Variants in PHTF2 observed in about 807,000 individuals in gnomAD.
The protein encoded by PHTF2 is protein PHTF2.
In PHTF2, 60 loss-of-function variants were observed where a neutral mutation model predicts 101.2. The observed-to-expected ratio is 0.59, with a 90% CI of 0.48 to 0.73. The LOEUF (loss-of-function observed/expected upper bound fraction) is 0.73. Ranked by LOEUF, PHTF2 falls within the 30% of genes least tolerant of loss-of-function variation. The probability of loss-of-function intolerance (pLI) is 0.00; values close to 1 mark genes in which losing one functional copy is unlikely to be tolerated. For synonymous variants in PHTF2, 311 were observed against 307.3 expected (o/e 1.01, Z -0.13); for missense variants, 747 against 908.7 (o/e 0.82, Z 2.29).
chr7:77,889,220 A>G lies in PHTF2; in HGVS notation c.148-4388A>G, dbSNP rs1800142386. 2.0e-5 allele frequency among the ~76,000 whole-genome samples: 3 copies of G among 152,310 alleles called. No individual in the cohort carries two copies. The South Asian group carries it at 6.2e-4, about 32-fold the overall frequency. ...TTCAGGGAAGAGCTTGACTCCAGCC[A>G]CAGGGGGTCTGATCTACTATCCTGC... On this transcript the variant is annotated intron_variant, in intron 3 of 19. Coordinates refer to ENST00000416283, the Ensembl canonical transcript of PHTF2.
intron 11 of PHTF2, chr7:77,924,132 C>T (rs987583897): frequency 3.9e-5 from 37 of 960,022 alleles, no homozygotes; most frequent in Non-Finnish European, 4.6e-5. Context: ...AAGGGCGTTT[C>T]TAAAAAAAAG....
intron 13 of PHTF2, chr7:77,938,064 C>T (rs1302389723): frequency 9.8e-6 from 2 of 204,210 alleles, no homozygotes; most frequent in East Asian, 1.1e-4. Context: ...ATAGATGATA[C>T]GGTCTATAAT....
rs1015359710 is a variant in PHTF2, at chr7:77,863,572, A to ATT, written c.147+8747_147+8748dup. 2.7e-5 allele frequency among the ~76,000 whole-genome samples: 4 copies of ATT among 150,064 alleles called. No individual in the cohort carries two copies. The East Asian group carries it at 5.8e-4, about 22-fold the overall frequency. On this transcript the variant is annotated intron_variant, in intron 3 of 19. Coordinates refer to ENST00000416283, the Ensembl canonical transcript of PHTF2. ...TAGAGATTGATTTTTAGGATTAAAG[A>ATT]TTTTTTTTTTCTTCCCTGTCCACCT... is the stretch of plus-strand genomic sequence containing the variant.
intron 11 of PHTF2, chr7:77,923,403 T>A: frequency 2.0e-6 from 2 of 981,726 alleles, no homozygotes; most frequent in Non-Finnish European, 1.2e-6. Flanking sequence ...CCTTCTACTC[T>A]TTTTGAGCTA....
chr7:77,892,731 G>T (rs1230255612), intron 3 of PHTF2, among the ~76,000 whole-genome samples: 1 of 152,162 alleles, frequency 6.6e-6, no homozygotes, highest in Non-Finnish European at 1.5e-5. Flanking sequence ...GAACAATAAA[G>T]AATGATTTGT....
intron 10 of PHTF2, among the ~76,000 whole-genome samples, chr7:77,921,445 C>T (rs149954766): frequency 5.9e-5 from 9 of 152,244 alleles, no homozygotes; most frequent in African/African-American, 1.9e-4. Context: ...ACCTCTCTTA[C>T]ATTTGGGAAT....
rs1795757561 is a variant in PHTF2, at chr7:77,840,153, C to T, written c.-35-68C>T. On this transcript the variant is annotated intron_variant, in intron 1 of 19. Transcript: ENST00000416283. ...GCAAGTAACCAGAGTGCTATGTCTGCATGCTGTTCAGTCTCCTTTTGGAAG... is the reference window on the plus strand; with the variant it reads ...GCAAGTAACCAGAGTGCTATGTCTGTATGCTGTTCAGTCTCCTTTTGGAAG... 10 of 804,390 alleles carry T rather than the reference C, an allele frequency of 1.2e-5. No individual in the cohort carries two copies. The Admixed American group carries it at 1.8e-4, about 15-fold the overall frequency. The allele number at this position is 804,390 out of a possible 1,614,324, so 49.8% of individuals were successfully genotyped here.
intron 7 of PHTF2, chr7:77,906,461 C>G (rs768678070): frequency 1.3e-5 from 2 of 152,108 alleles, no homozygotes; most frequent in Non-Finnish European, 2.9e-5. Context: ...GTGGCTCCTC[C>G]TCCTTTTTCT....
At position 77,924,296 on chromosome 7, in the gene PHTF2, A is replaced by G. The variant is rs566773674; in HGVS notation, c.1119+1518A>G. On this transcript the variant is annotated intron_variant, in intron 11 of 19. Coordinates refer to ENST00000416283, the Ensembl canonical transcript of PHTF2. Reference sequence around the variant, plus strand: ...TTTCTTTAAGAGTGAGGCATGAAAAAATCATTTGGACCCACTCAAACACAA... The same window carrying G: ...TTTCTTTAAGAGTGAGGCATGAAAAGATCATTTGGACCCACTCAAACACAA... The G allele has an allele frequency of 4.4e-4, 106 of 241,558 alleles. 1 individual carries two copies. Among genetic ancestry groups the G allele is most frequent in the Middle Eastern group, 2.1e-3 (1 of 468 alleles). 15.0% of individuals were successfully genotyped at this position (241,558 alleles called of 1,614,324 possible).
intron 1 of PHTF2, among the ~76,000 whole-genome samples, chr7:77,831,406 A>T (rs1795067961): frequency 6.6e-6 from 1 of 152,208 alleles, no homozygotes. Flanking sequence ...TTTGTTACGA[A>T]CTTTTAGGAG....
At position 77,940,471 on chromosome 7, in the gene PHTF2, TTTTG is replaced by T; in HGVS notation, c.1741-53_1741-50del. On this transcript the variant is annotated intron_variant, in intron 14 of 19. Coordinates refer to ENST00000416283, the Ensembl canonical transcript of PHTF2. ...ATCTTAACAATTCATATTTTGTTAATTTTGTTTTTCTGTGGTAATCTACTTGAAA... is the reference window on the plus strand; with the variant it reads ...ATCTTAACAATTCATATTTTGTTAATTTTTTCTGTGGTAATCTACTTGAAA... The T allele has an allele frequency of 1.7e-5, 24 of 1,445,034 alleles. 1 individual carries two copies. The highest frequency in any genetic ancestry group is 6.9e-5 in the South Asian group (5 of 72,720). The allele number at this position is 1,445,034 out of a possible 1,614,324, so 89.5% of individuals were successfully genotyped here.
chr7:77,942,537 A>G (rs1048034118), intron 15 of PHTF2, among the ~76,000 whole-genome samples, 163 bp from the exon 15 acceptor site: 2 of 152,232 alleles, frequency 1.3e-5, no homozygotes, highest in Admixed American at 6.5e-5. Context: ...TCATAACACT[A>G]TCATTAAAAT....
intron 2 of PHTF2, among the ~76,000 whole-genome samples, chr7:77,852,146 C>T (rs1796816158): frequency 6.6e-6 from 1 of 152,150 alleles, no homozygotes; most frequent in Non-Finnish European, 1.5e-5. Context: ...CTGCCTCAGC[C>T]TCTTGAGTAG....
intron 1 of PHTF2, among the ~76,000 whole-genome samples, chr7:77,810,029 A>G (rs1793313428): frequency 6.6e-6 from 1 of 152,224 alleles, no homozygotes. Flanking sequence ...TTTAAAATTG[A>G]GTTAAGCTTA....
At chr7:77,948,647 C>G (rs1806287765) in intron 16 of PHTF2, among the ~76,000 whole-genome samples, 1 of 152,112 alleles carries the variant, frequency 6.6e-6, no homozygotes, top group Non-Finnish European at 1.5e-5. Context: ...AAAGATAACT[C>G]ACAGGAGGAA....
In PHTF2 at chr7:77,933,707, ATG is replaced by A. The variant is rs1253262206; in HGVS notation, c.1339-3999_1339-3998del. 2.7e-4 allele frequency among the ~76,000 whole-genome samples: 38 copies of A among 140,986 alleles called. 1 individual carries two copies. The highest frequency in any genetic ancestry group is 8.2e-4 in the African/African-American group (29 of 35,490). 92.5% of individuals were successfully genotyped at this position (140,986 alleles called of 152,430 possible). On this transcript the variant is annotated intron_variant, in intron 12 of 19. Transcript: ENST00000416283. ...TATAAGCAGCATAAAAGCAGGGACC[ATG>A]TGTTTTTTTTTTTTTTTTTTGCTCA...
Position 77,906,463 on chromosome 7 carries a change from C to T in PHTF2, c.446-2330C>T, listed in dbSNP as rs2150851730. The T allele has an allele frequency of 2.0e-5, 3 of 152,232 alleles. No homozygotes were observed. In the East Asian group the frequency reaches 5.8e-4, roughly 29 times the overall value. 9.4% of individuals were successfully genotyped at this position (152,232 alleles called of 1,614,324 possible). A position where few individuals can be genotyped will look rare whatever the true frequency, so the allele number is the denominator to read the frequency against. ...AGAGAGGAAGAAAGTGGCTCCTCCT[C>T]CTTTTTCTAATGCCTTGTCGTCAGA... On this transcript the variant is annotated intron_variant, in intron 7 of 19. Coordinates refer to ENST00000416283, the Ensembl canonical transcript of PHTF2.
intron 16 of PHTF2, 54 bp downstream of exon 15, chr7:77,942,840 C>A: frequency 2.5e-6 from 2 of 815,238 alleles, no homozygotes; most frequent in Admixed American, 2.9e-5. Flanking sequence ...TATTAACTTT[C>A]AGATTAATAA....
chr7:77,868,357 CAG>C (rs1461861120), intron 3 of PHTF2, among the ~76,000 whole-genome samples: 12 of 50,622 alleles, frequency 2.4e-4, no homozygotes, highest in African/African-American at 9.5e-4. Context: ...TTTTGCAGAA[CAG>C]AGTCTTGCTT....
Sources: gnomAD v4.1 joint callset for allele counts (sites outside exome capture counted in the v4.1 genomes callset) on GRCh38, gnomAD v4.1.1 for gene constraint, MANE v1.5 for transcripts, NCBI Gene and HGNC (gene_info 2026-07-23, HGNC 2026-07-21) for gene names.